RBMS1: variants seen among roughly 807,000 people sequenced by gnomAD.
RBMS1 encodes the protein RNA-binding motif, single-stranded-interacting protein 1.
In RBMS1, 17 loss-of-function variants were observed where a neutral mutation model predicts 62.3. The ratio of observed to expected loss-of-function variants is 0.27; its 90% CI spans 0.19 to 0.41. RBMS1 has a LOEUF of 0.41. Ranked by LOEUF, RBMS1 falls within the 10% of genes least tolerant of loss-of-function variation. RBMS1 has a pLI of 1.00. For missense variants in RBMS1, 334 were observed against 504.5 expected, an observed-to-expected ratio of 0.66 and a Z score of 3.24; for synonymous variants, 172 against 170.0, an observed-to-expected ratio of 1.01 and a Z score of -0.09.
At chr2:160,286,316 T>A (rs1688390204) in intron 7 of RBMS1, among the ~76,000 whole-genome samples, 1 of 150,494 alleles carries the variant, frequency 6.6e-6, no homozygotes, top group Non-Finnish European at 1.5e-5. Flanking sequence ...TTTTTTTTTT[T>A]TTTATTTTGT....
intron 1 of RBMS1, among the ~76,000 whole-genome samples, chr2:160,453,428 C>A (rs1684081548): frequency 6.6e-6 from 1 of 152,074 alleles, no homozygotes; most frequent in African/African-American, 2.4e-5. Context: ...TATGATCGTT[C>A]TTTTCTTTTT....
intron 13 of RBMS1, 50 bp from the exon 14 acceptor site, chr2:160,274,814 C>G (rs1228305162): frequency 2.0e-5 from 3 of 152,502 alleles, no homozygotes; most frequent in Non-Finnish European, 2.9e-5. Context: ...TGGTGTGAAA[C>G]ACTACAGAGC....
intron 6 of RBMS1, among the ~76,000 whole-genome samples, chr2:160,294,248 T>G (rs1333453102): frequency 6.6e-6 from 1 of 152,232 alleles, no homozygotes; most frequent in Non-Finnish European, 1.5e-5. Flanking sequence ...TAAGAAAAGA[T>G]AAAGCCTCTT....
chr2:160,394,358 A>G (rs1294366211), intron 1 of RBMS1, among the ~76,000 whole-genome samples: 2 of 152,212 alleles, frequency 1.3e-5, no homozygotes, highest in African/African-American at 4.8e-5. Flanking sequence ...TAAATTCTGC[A>G]TGCTGTAATA....
chr2:160,289,681 T>G (rs1384432013), intron 6 of RBMS1, among the ~76,000 whole-genome samples: 3 of 152,140 alleles, frequency 2.0e-5, no homozygotes, highest in Non-Finnish European at 2.9e-5. Flanking sequence ...ATTTAGTCAT[T>G]TATGGAACAG....
intron 1 of RBMS1, among the ~76,000 whole-genome samples, chr2:160,441,464 C>T (rs1223952058): frequency 3.9e-5 from 6 of 152,228 alleles, no homozygotes; most frequent in African/African-American, 7.2e-5. Context: ...TGACTCACAC[C>T]TGTAATCTCA....
At chr2:160,383,769 C>T (rs1177589322) in intron 1 of RBMS1, among the ~76,000 whole-genome samples, 1 of 152,200 alleles carries the variant, frequency 6.6e-6, no homozygotes, top group Non-Finnish European at 1.5e-5. Context: ...ACAGAAGCAG[C>T]CACTACGTTG....
At chr2:160,287,797 A>C (rs1688480012) in intron 6 of RBMS1, among the ~76,000 whole-genome samples, 1 of 152,130 alleles carries the variant, frequency 6.6e-6, no homozygotes, top group East Asian at 1.9e-4. Context: ...TGTTGTGAGA[A>C]AGCTAAAAAT....
chr2:160,413,526 G>A (rs554257424), intron 1 of RBMS1, among the ~76,000 whole-genome samples: 1 of 152,216 alleles, frequency 6.6e-6, no homozygotes, highest in Non-Finnish European at 1.5e-5. Context: ...ATGTATAAAA[G>A]TACATGCGTA....
At chr2:160,452,688 A>G (rs892925740) in intron 1 of RBMS1, among the ~76,000 whole-genome samples, 3 of 152,212 alleles carry the variant, frequency 2.0e-5, no homozygotes, top group African/African-American at 4.8e-5. Context: ...GAGAATGGTA[A>G]TCAACAGTGT....
chr2:160,448,608 C>G (rs1308047692), intron 1 of RBMS1, among the ~76,000 whole-genome samples: 1 of 152,244 alleles, frequency 6.6e-6, no homozygotes, highest in Non-Finnish European at 1.5e-5. Context: ...CGATGTTGCC[C>G]AGGCTGGAGT....
intron 1 of RBMS1, among the ~76,000 whole-genome samples, chr2:160,426,967 C>T (rs1457988362): frequency 2.6e-5 from 4 of 152,194 alleles, no homozygotes; most frequent in Admixed American, 2.0e-4. Context: ...AAAGTAAGGC[C>T]GGAAACGGTT....
At chr2:160,478,163 A>T (rs1477450642) in intron 1 of RBMS1, among the ~76,000 whole-genome samples, 5 of 152,222 alleles carry the variant, frequency 3.3e-5, no homozygotes. Context: ...ATAATGGTAC[A>T]CATACAACTT....
intron 1 of RBMS1, among the ~76,000 whole-genome samples, chr2:160,428,308 C>A (rs1270350575): frequency 3.3e-5 from 5 of 152,022 alleles, no homozygotes; most frequent in Admixed American, 6.6e-5. Context: ...CGGATGTAAT[C>A]GAGACCACAA....
intron 1 of RBMS1, among the ~76,000 whole-genome samples, chr2:160,377,971 A>G (rs555315769): frequency 2.6e-5 from 4 of 152,352 alleles, no homozygotes; most frequent in Non-Finnish European, 5.9e-5. Context: ...GCCAAATTTT[A>G]TTAATGAGTT....
chr2:160,449,191 C>T (rs548904348), intron 1 of RBMS1, among the ~76,000 whole-genome samples: 1 of 151,306 alleles, frequency 6.6e-6, no homozygotes, highest in Non-Finnish European at 1.5e-5. Flanking sequence ...CCGCACCGTC[C>T]AGGAGGGAGG....
chr2:160,370,621 G>A (rs1693675322), intron 1 of RBMS1, among the ~76,000 whole-genome samples: 1 of 152,218 alleles, frequency 6.6e-6, no homozygotes, highest in Non-Finnish European at 1.5e-5. Context: ...CATTTAGAAG[G>A]TGGCAGGGCT....
chr2:160,434,175 A>G (rs1559545451), intron 1 of RBMS1, among the ~76,000 whole-genome samples: 1 of 152,228 alleles, frequency 6.6e-6, no homozygotes, highest in South Asian at 2.1e-4. Context: ...TAAAACGTTT[A>G]AAAGTAATGA....
At chr2:160,378,886 A>T (rs945398264) in intron 1 of RBMS1, among the ~76,000 whole-genome samples, 1 of 152,234 alleles carries the variant, frequency 6.6e-6, no homozygotes, top group Non-Finnish European at 1.5e-5. Flanking sequence ...TTCACAAAGC[A>T]TATACTTAGA....
Sources: allele counts gnomAD v4.1 joint callset (sites outside exome capture counted in the v4.1 genomes callset), GRCh38; gene constraint gnomAD v4.1.1; transcripts MANE v1.5; gene names NCBI Gene and HGNC (gene_info 2026-07-23, HGNC 2026-07-21).